The following TRDN variants were observed in gnomAD, a reference collection of about 807,000 sequenced individuals.
TRDN encodes triadin in skeletal muscle.
TRDN carries 161 observed loss-of-function variants against 149.7 expected under a neutral mutation model. The ratio of observed to expected loss-of-function variants is 1.08; its 90% CI spans 0.95 to 1.23. The LOEUF (loss-of-function observed/expected upper bound fraction) is 1.23. Among genes scored for constraint, TRDN ranks in the 50% most tolerant of loss-of-function variants. The probability of loss-of-function intolerance (pLI) is 0.00; values close to 1 mark genes in which losing one functional copy is unlikely to be tolerated. For missense variants in TRDN, 896 were observed against 823.5 expected (o/e 1.09, Z -1.08); for synonymous variants, 294 against 250.5 (o/e 1.17, Z -1.64).
At chr6:123,539,688 G>GAT (rs919675990) in intron 4 of TRDN, among the ~76,000 whole-genome samples, 15 of 152,236 alleles carry the variant, frequency 9.9e-5, no homozygotes, top group African/African-American at 2.9e-4. Context: ...ATGCGACAGT[G>GAT]ATATATATAT....
intron 1 of TRDN, among the ~76,000 whole-genome samples, chr6:123,596,252 G>A (rs560810458): frequency 2.0e-5 from 3 of 152,052 alleles, no homozygotes; most frequent in African/African-American, 7.2e-5. Context: ...CCAGACCAAG[G>A]CACTAACTCT....
At chr6:123,529,404 G>T in intron 5 of TRDN, 1 of 1,498,742 alleles carries the variant, frequency 6.7e-7, no homozygotes, top group South Asian at 1.2e-5. Context: ...TCAATGTTCT[G>T]ATTGTTGAAG....
intron 1 of TRDN, among the ~76,000 whole-genome samples, chr6:123,573,963 G>T (rs574087682): frequency 8.6e-5 from 13 of 151,814 alleles, no homozygotes; most frequent in African/African-American, 3.1e-4. Context: ...GGTTTCTTTA[G>T]TCATAAAATA....
intron 24 of TRDN, among the ~76,000 whole-genome samples, chr6:123,312,839 A>T (rs1307330519): frequency 6.6e-6 from 1 of 151,962 alleles, no homozygotes; most frequent in African/African-American, 2.4e-5. Flanking sequence ...GTCCCTGATT[A>T]CACTCTTTGA....
chr6:123,457,871 G>A (rs1002061260), intron 10 of TRDN, among the ~76,000 whole-genome samples: 3 of 152,220 alleles, frequency 2.0e-5, no homozygotes, highest in East Asian at 3.9e-4. Context: ...GATTCCATTC[G>A]TAATCTAGTT....
rs1776986997 is a variant in TRDN, at chr6:123,266,483, A to ATATGTATTATATATAATATATATATTATG, written c.1784-1146_1784-1145insCATAATATATATATTATATATAATACATA. 8.0e-4 allele frequency among the ~76,000 whole-genome samples: 3 copies of ATATGTATTATATATAATATATATATTATG among 3,736 alleles called. 1 individual carries two copies. The highest frequency in any genetic ancestry group is 7.4e-4 in the Non-Finnish European group (2 of 2,712). 2.5% of individuals were successfully genotyped at this position (3,736 alleles called of 152,430 possible). Reference sequence around the variant, plus strand: ...GTATTATATATAATATATATATTATAATATGTATTATATATAATATATATA... The same window carrying ATATGTATTATATATAATATATATATTATG: ...GTATTATATATAATATATATATTATATATGTATTATATATAATATATATATTATGATATGTATTATATATAATATATATA... On this transcript the variant is annotated intron_variant, in intron 32 of 40. Coordinates refer to ENST00000334268, the MANE Select transcript of TRDN (RefSeq NM_006073.4).
chr6:123,333,050 T>C (rs1779719472), intron 22 of TRDN, among the ~76,000 whole-genome samples: 1 of 152,082 alleles, frequency 6.6e-6, no homozygotes, highest in East Asian at 1.9e-4. Flanking sequence ...TATTTTTCCA[T>C]ACTTCAGCAT....
At chr6:123,549,569 C>T (rs143458777) in intron 2 of TRDN, among the ~76,000 whole-genome samples, 6 of 151,832 alleles carry the variant, frequency 4.0e-5, no homozygotes, top group African/African-American at 1.4e-4. Flanking sequence ...TATTATACTA[C>T]CTAAAGGTTA....
At position 123,614,694 on chromosome 6, in the gene TRDN, A is replaced by G. The variant is rs1249658500; in HGVS notation, c.22+22060T>C. ...TAAATGTAAGGCCTGAAACCATGAA[A>G]CTACAGGAAAATTTAGGGGAATTCC... On this transcript the variant is annotated intron_variant, in intron 1 of 40. Transcript: ENST00000334268. Among the ~76,000 whole-genome samples, 3 of 152,026 alleles carry G rather than the reference A, an allele frequency of 2.0e-5. No individual in the cohort carries two copies. In the East Asian group the frequency reaches 5.8e-4, roughly 29 times the overall value.
Position 123,528,706 on chromosome 6 carries a change from C to G in TRDN, c.484+1800G>C. ...TTGTAAAGCAAAACATTTATTTTCA[C>G]TGAACTATTTGAGAATAAAGAGCAG... On this transcript the variant is annotated intron_variant, in intron 5 of 40. Coordinates refer to ENST00000334268, the MANE Select transcript of TRDN (RefSeq NM_006073.4). 4 of 987,246 alleles carry G rather than the reference C, an allele frequency of 4.1e-6. No individual in the cohort carries two copies. In the South Asian group the frequency reaches 1.9e-4, roughly 46 times the overall value. 61.2% of individuals were successfully genotyped at this position (987,246 alleles called of 1,614,324 possible). A position where few individuals can be genotyped will look rare whatever the true frequency, so the allele number is the denominator to read the frequency against.
chr6:123,377,907 T>C lies in TRDN; in HGVS notation c.1187-9A>G. The C allele has an allele frequency of 1.4e-6, 2 of 1,441,038 alleles. No homozygotes were observed. The highest frequency in any genetic ancestry group is 1.9e-6 in the Non-Finnish European group (2 of 1,057,738). The allele number at this position is 1,441,038 out of a possible 1,614,324, so 89.3% of individuals were successfully genotyped here. Reference sequence around the variant, plus strand: ...TTCTTTCTTTTCCTGTTCTGAAACATATTATTATTGTTATTATTATTATCG... The same window carrying C: ...TTCTTTCTTTTCCTGTTCTGAAACACATTATTATTGTTATTATTATTATCG... On this transcript the variant is annotated splice_polypyrimidine_tract_variant and intron_variant, in intron 16 of 40. Transcript: ENST00000334268.
intron 4 of TRDN, among the ~76,000 whole-genome samples, chr6:123,545,714 T>A (rs1279840855): frequency 6.6e-6 from 1 of 151,996 alleles, no homozygotes; most frequent in Non-Finnish European, 1.5e-5. Flanking sequence ...AATAAACATT[T>A]CTAACATTTT....
intron 22 of TRDN, among the ~76,000 whole-genome samples, chr6:123,333,504 C>T (rs1779740777): frequency 6.6e-6 from 1 of 152,096 alleles, no homozygotes; most frequent in Non-Finnish European, 1.5e-5. Context: ...AAGTTTGCTA[C>T]TGGCAAGATG....
intron 12 of TRDN, among the ~76,000 whole-genome samples, chr6:123,402,328 C>G (rs1773013783): frequency 1.3e-5 from 2 of 152,204 alleles, no homozygotes; most frequent in South Asian, 2.1e-4. Flanking sequence ...AGGCAAATGT[C>G]TAGATTTAAC....
At chr6:123,415,560 A>G (rs1422379333) in intron 12 of TRDN, among the ~76,000 whole-genome samples, 1 of 152,220 alleles carries the variant, frequency 6.6e-6, no homozygotes, top group African/African-American at 2.4e-5. Context: ...TCCCATATGT[A>G]AATTTATATT....
chr6:123,556,287 A>T (rs1280125126), intron 2 of TRDN, among the ~76,000 whole-genome samples: 1 of 152,168 alleles, frequency 6.6e-6, no homozygotes. Flanking sequence ...TTGAACAATA[A>T]ATCAAAATTA....
intron 16 of TRDN, among the ~76,000 whole-genome samples, chr6:123,379,438 C>A (rs1781631251): frequency 6.6e-6 from 1 of 152,098 alleles, no homozygotes; most frequent in East Asian, 1.9e-4. Context: ...TGTTGTCTGG[C>A]AAATGAAGAG....
chr6:123,381,097 T>C lies in TRDN; in HGVS notation c.1186+273A>G, dbSNP rs867289506. Among the ~76,000 whole-genome samples, 5 of 152,160 alleles carry C rather than the reference T, an allele frequency of 3.3e-5. No individual in the cohort carries two copies. The South Asian group carries it at 8.3e-4, about 25-fold the overall frequency. ...AAAAACATAAGTCAGTTTGGGTTAA[T>C]GGAATGCAGTTTTACTTTTGATTAC... On this transcript the variant is annotated intron_variant, in intron 16 of 40. Coordinates refer to ENST00000334268, the MANE Select transcript of TRDN (RefSeq NM_006073.4).
At chr6:123,415,665 C>T (rs1053704035) in intron 12 of TRDN, among the ~76,000 whole-genome samples, 3 of 152,166 alleles carry the variant, frequency 2.0e-5, no homozygotes, top group Non-Finnish European at 4.4e-5. Flanking sequence ...TGGTCTCTCT[C>T]TGGATTCAAG....
Sources: allele counts gnomAD v4.1 joint callset (sites outside exome capture counted in the v4.1 genomes callset), GRCh38; gene constraint gnomAD v4.1.1; transcripts MANE v1.5; gene names NCBI Gene and HGNC (gene_info 2026-07-23, HGNC 2026-07-21).